Variants in CATSPERE observed in about 807,000 individuals in gnomAD.
The protein encoded by CATSPERE is catsper channel auxiliary subunit epsilon.
A neutral mutation model predicts 114.1 loss-of-function variants in CATSPERE; 93 were observed. The observed-to-expected ratio is 0.81, with a 90% confidence interval of 0.69 to 0.97. The LOEUF (loss-of-function observed/expected upper bound fraction) is 0.97. CATSPERE is among the 50% of genes least tolerant of loss of function. The probability of loss-of-function intolerance (pLI) is 0.00; values close to 1 mark genes in which losing one functional copy is unlikely to be tolerated. For missense variants in CATSPERE, 1,058 were observed against 1,131.6 expected (o/e 0.93, Z 0.93); for synonymous variants, 341 against 384.1 (o/e 0.89, Z 1.31).
intron 6 of CATSPERE, among the ~76,000 whole-genome samples, chr1:244,494,366 A>G (rs1672742025): frequency 6.8e-6 from 1 of 147,994 alleles, no homozygotes; most frequent in East Asian, 2.0e-4. Flanking sequence ...GAAACCAAAC[A>G]CCGCATATTC....
chr1:244,571,055 T>G (rs1281032834), intron 10 of CATSPERE, among the ~76,000 whole-genome samples: 2 of 152,228 alleles, frequency 1.3e-5, no homozygotes, highest in African/African-American at 4.8e-5. Flanking sequence ...TTGTTTTGTT[T>G]CCTGAAGTTT....
intron 11 of CATSPERE, among the ~76,000 whole-genome samples, chr1:244,580,026 A>T (rs540969521): frequency 6.6e-6 from 1 of 152,042 alleles, no homozygotes; most frequent in East Asian, 1.9e-4. Flanking sequence ...CAACTACCAT[A>T]TTTTATCAAT....
chr1:244,598,229 G>A (rs1049042388), intron 17 of CATSPERE, among the ~76,000 whole-genome samples: 6 of 152,110 alleles, frequency 3.9e-5, no homozygotes, highest in Non-Finnish European at 5.9e-5. Context: ...TACTGAGTCC[G>A]AATTGCTGTC....
At chr1:244,466,182 C>T (rs545546423) in intron 2 of CATSPERE, among the ~76,000 whole-genome samples, 1 of 152,128 alleles carries the variant, frequency 6.6e-6, no homozygotes, top group Non-Finnish European at 1.5e-5. Context: ...AAACCCCACA[C>T]GGTACCAATG....
chr1:244,638,420 C>A (rs1393288), intron 21 of CATSPERE, among the ~76,000 whole-genome samples: 9 of 152,100 alleles, frequency 5.9e-5, no homozygotes, highest in Admixed American at 3.9e-4. Context: ...TAAAGAAAGC[C>A]TCACCCTCCT....
intron 8 of CATSPERE, among the ~76,000 whole-genome samples, chr1:244,521,547 TG>T (rs1677568919): frequency 6.6e-6 from 1 of 152,118 alleles, no homozygotes; most frequent in South Asian, 2.1e-4. Flanking sequence ...TATTTCAAAA[TG>T]TTTTTTACTT....
At chr1:244,451,586 A>C, upstream of CATSPERE, 1 of 1,551,026 alleles carries the variant, frequency 6.4e-7, no homozygotes, top group Non-Finnish European at 8.7e-7. This position sits in a 1 kb window ranked among gnomAD's most constrained non-coding sequence, Gnocchi z 6.6. Flanking sequence ...GGAGCCAGGC[A>C]GCCCGAGCTC....
chr1:244,481,888 AT>A (rs1216706360), intron 5 of CATSPERE, among the ~76,000 whole-genome samples: 34 of 152,300 alleles, frequency 2.2e-4, no homozygotes, highest in African/African-American at 7.5e-4. Flanking sequence ...AGTCTATGGT[AT>A]TTTTGTTATA....
In CATSPERE at chr1:244,560,921, C is replaced by G. The variant is rs759355694; in HGVS notation, c.1283C>G (p.Thr428Arg). 12 of 1,613,876 alleles carry G rather than the reference C, an allele frequency of 7.4e-6. No homozygotes were observed. The East Asian group carries it at 1.6e-4, about 21-fold the overall frequency. The stretch of plus-strand genomic sequence containing the variant: ...TTCTTAGTGATATATAATGAAGATA[C>G]AAAACAGTGGGTTTCCCAAGACTTT... The part of the protein sequence containing the change: ...KIFLVIYNED[T>R]KQWVSQDFTL... The change falls in exon 10 of 22, where the codon ACA (threonine) becomes AGA (arginine). Residue 428 changes from threonine (T) to arginine (R), a missense_variant. Physicochemically the swap from Thr to Arg is moderately conservative, Grantham distance 71. Coordinates refer to ENST00000366534, the MANE Select transcript of CATSPERE (RefSeq NM_001130957.2).
chr1:244,635,420 G>T, intron 20 of CATSPERE, 69 bp from the exon 21 acceptor site: 1 of 1,121,986 alleles, frequency 8.9e-7, no homozygotes, highest in South Asian at 1.3e-5. Context: ...GTTACCATAG[G>T]GACATGGAGA....
At chr1:244,605,261 T>C (rs184937382) in intron 17 of CATSPERE, among the ~76,000 whole-genome samples, 1 of 152,338 alleles carries the variant, frequency 6.6e-6, no homozygotes, top group Admixed American at 6.5e-5. Context: ...GTGCCCTTGC[T>C]CTGCCCTTTC....
At chr1:244,492,483 A>G (rs1217248434) in intron 6 of CATSPERE, among the ~76,000 whole-genome samples, 7 of 141,184 alleles carry the variant, frequency 5.0e-5, no homozygotes, top group African/African-American at 1.1e-4. Context: ...CCCACAGCCA[A>G]TATCATACTG....
At chr1:244,502,216 C>T (rs1295258491) in intron 7 of CATSPERE, among the ~76,000 whole-genome samples, 1 of 151,940 alleles carries the variant, frequency 6.6e-6, no homozygotes, top group Admixed American at 6.6e-5. Context: ...ATGTGTTTTT[C>T]TGATATAGCT....
At chr1:244,483,424 G>A (rs930920925) in intron 5 of CATSPERE, among the ~76,000 whole-genome samples, 13 of 152,150 alleles carry the variant, frequency 8.5e-5, no homozygotes, top group Admixed American at 8.5e-4. Flanking sequence ...TTGAAAGATT[G>A]TCCAATTTTA....
chr1:244,601,740 G>T (rs1474105981), intron 17 of CATSPERE, among the ~76,000 whole-genome samples: 2 of 152,104 alleles, frequency 1.3e-5, no homozygotes, highest in Non-Finnish European at 2.9e-5. Flanking sequence ...ATCACTTGAG[G>T]TCAGGAGTTC....
At chr1:244,566,720 C>T (rs1187214566) in intron 10 of CATSPERE, among the ~76,000 whole-genome samples, 1 of 123,704 alleles carries the variant, frequency 8.1e-6, no homozygotes, top group Non-Finnish European at 1.7e-5. Context: ...ATTCCTTCAT[C>T]CCTTTGAGCC....
chr1:244,515,430 GC>G, intron 7 of CATSPERE: 1 of 456,172 alleles, frequency 2.2e-6, no homozygotes, highest in Non-Finnish European at 2.9e-6. Context: ...GGTTTGAAGT[GC>G]TTCTCAGACA....
chr1:244,562,284 G>C (rs1436454469), intron 10 of CATSPERE, among the ~76,000 whole-genome samples: 3 of 151,840 alleles, frequency 2.0e-5, no homozygotes, highest in Admixed American at 2.0e-4. Flanking sequence ...TTTAACTGCT[G>C]TGTATTGTTC....
chr1:244,532,117 G>A (rs1032097589), intron 8 of CATSPERE, among the ~76,000 whole-genome samples: 3 of 152,066 alleles, frequency 2.0e-5, no homozygotes, highest in African/African-American at 7.2e-5. Context: ...TTGGCATATA[G>A]TTGCTCATAG....
Sources: allele counts gnomAD v4.1 joint callset (sites outside exome capture counted in the v4.1 genomes callset), GRCh38; gene constraint gnomAD v4.1.1; non-coding constraint Gnocchi (gnomAD v3.1); transcripts MANE v1.5; gene names NCBI Gene and HGNC (gene_info 2026-07-23, HGNC 2026-07-21).